The following YTHDF2 variants were observed in gnomAD, a reference collection of about 807,000 sequenced individuals.
YTHDF2 encodes the protein YTH domain-containing family protein 2.
A neutral mutation model predicts 50.4 loss-of-function variants in YTHDF2; 2 were observed. That is an observed-to-expected ratio of 0.04 (90% CI 0.02 to 0.12). YTHDF2 has a LOEUF of 0.12. Ranked by LOEUF, YTHDF2 falls within the 10% of genes least tolerant of loss-of-function variation. The pLI, the probability that YTHDF2 is intolerant of heterozygous loss-of-function variation, is 1.00. For missense variants in YTHDF2, 483 were observed against 722.6 expected, an observed-to-expected ratio of 0.67 and a Z score of 3.80; for synonymous variants, 217 against 255.6, an observed-to-expected ratio of 0.85 and a Z score of 1.44.
intron 4 of YTHDF2, among the ~76,000 whole-genome samples, chr1:28,760,271 TTGTGTGTGTGTGTGTGTGTG>T (rs28969505): frequency 8.4e-4 from 124 of 147,362 alleles, no homozygotes; most frequent in African/African-American, 1.2e-3. Flanking sequence ...ACATAGTAGG[TTGTGTGTGTGTGTGTGTGTG>T]TGTGTGTGTG....
chr1:28,767,855 T>TG (rs113707778), intron 4 of YTHDF2, among the ~76,000 whole-genome samples: 150,246 of 150,262 alleles, frequency 1, 75,115 homozygotes, highest in Middle Eastern at 1. Context: ...TTGGCCAGGA[T>TG]GTCTCACTCT....
chr1:28,740,624 T>C (rs760776192), intron 3 of YTHDF2, among the ~76,000 whole-genome samples: 12 of 152,340 alleles, frequency 7.9e-5, no homozygotes, highest in Middle Eastern at 3.4e-3. Context: ...TCTGCTAAAA[T>C]TTTTAACCTT....
chr1:28,743,053 G>A lies in YTHDF2; in HGVS notation c.783G>A (p.Gly261=), dbSNP rs2087803899. ...PKLKTKNGIA[G]SSLPPPPIKH... ...TGAAGACCAAGAATGGCATTGCAGG[G>A]TCAAGTCTTCCGCCACCCCCGATAA... Residue 261 remains glycine, a synonymous_variant, in exon 4 of 5, where the codon GGG becomes GGA. Transcript: ENST00000373812. The surrounding 1 kb of genome is among the most constrained non-coding windows in gnomAD (Gnocchi z 6.9). 2 of 1,614,054 alleles carry A rather than the reference G, an allele frequency of 1.2e-6. No individual in the cohort carries two copies. The highest frequency in any genetic ancestry group is 2.7e-5 in the African/African-American group (2 of 74,920).
At chr1:28,746,465 G>A (rs1243573771) in intron 4 of YTHDF2, among the ~76,000 whole-genome samples, 1 of 152,016 alleles carries the variant, frequency 6.6e-6, no homozygotes, top group Non-Finnish European at 1.5e-5. Context: ...CAGGCTGGGC[G>A]CAGGTGGCTC....
chr1:28,768,083 C>G (rs1466568409), intron 4 of YTHDF2, among the ~76,000 whole-genome samples: 2 of 151,708 alleles, frequency 1.3e-5, no homozygotes, highest in Non-Finnish European at 2.9e-5. Context: ...CGCCTGTAAT[C>G]CCAGCTACTC....
rs556032938 is a variant in YTHDF2, at chr1:28,737,074, G to T, written c.-47G>T. 3 of 1,572,968 alleles carry T rather than the reference G, an allele frequency of 1.9e-6. No homozygotes were observed. The African/African-American group carries it at 4.1e-5, about 21-fold the overall frequency. On this transcript the variant is annotated 5_prime_UTR_variant, in exon 1 of 5. Transcript: ENST00000373812. ...GGGGCTCATCTGCCGCCGCCGCCGC[G>T]CTGAGGAGAGTTCGCCGCCGTCGCC...
intron 4 of YTHDF2, among the ~76,000 whole-genome samples, chr1:28,745,733 C>A (rs1209103599): frequency 8.3e-6 from 1 of 121,212 alleles, no homozygotes; most frequent in Non-Finnish European, 1.8e-5. Flanking sequence ...CGCCCCCCCC[C>A]CCCAAAAAAA....
chr1:28,755,410 ATATT>A (rs1299339101), intron 4 of YTHDF2, among the ~76,000 whole-genome samples: 2 of 152,232 alleles, frequency 1.3e-5, no homozygotes, highest in African/African-American at 2.4e-5. Context: ...TCTTGAATAT[ATATT>A]TAAATGTATG....
intron 4 of YTHDF2, among the ~76,000 whole-genome samples, chr1:28,755,444 C>T (rs1008792625): frequency 1.3e-5 from 2 of 152,022 alleles, no homozygotes; most frequent in African/African-American, 2.4e-5. Context: ...TTCTTGTATC[C>T]TTGTGAGGTA....
chr1:28,767,928 C>A (rs1291745438), intron 4 of YTHDF2, among the ~76,000 whole-genome samples: 2 of 146,562 alleles, frequency 1.4e-5, no homozygotes, highest in Non-Finnish European at 3.0e-5. Flanking sequence ...TGAGGCCGGG[C>A]GCGGTGGCTC....
upstream of YTHDF2, chr1:28,736,838 G>T: frequency 2.6e-6 from 1 of 384,712 alleles, no homozygotes; most frequent in Admixed American, 4.8e-5. Flanking sequence ...CAGCGCTCGC[G>T]CCGCGCGCGC....
At position 28,742,956 on chromosome 1, in the gene YTHDF2, C is replaced by T; in HGVS notation, c.686C>T (p.Ala229Val). 2 of 1,614,158 alleles carry T rather than the reference C, an allele frequency of 1.2e-6. No homozygotes were observed. The highest frequency in any genetic ancestry group is 1.7e-5 in the Admixed American group (1 of 60,004). Reference sequence around the variant, plus strand: ...GTGGCTTCCAATAGTTTGCCTCCAGCCACCATTGCTCCTCCAAAACCAGCA... The same window carrying T: ...GTGGCTTCCAATAGTTTGCCTCCAGTCACCATTGCTCCTCCAAAACCAGCA... The part of the protein sequence containing the change: ...NIVASNSLPP[A>V]TIAPPKPASW... The change falls in exon 4 of 5, where the codon GCC (alanine) becomes GTC (valine). Residue 229 changes from alanine (A) to valine (V), a missense_variant. By Grantham distance (64) the Ala-to-Val change is moderately conservative (BLOSUM62 0). This residue lies in a region of YTHDF2 where 385 missense variants were observed against 475.8 expected (regional missense o/e 0.81). Transcript: ENST00000373812.
At chr1:28,761,535 C>T (rs1395589151) in intron 4 of YTHDF2, among the ~76,000 whole-genome samples, 3 of 152,048 alleles carry the variant, frequency 2.0e-5, no homozygotes, top group Non-Finnish European at 2.9e-5. Context: ...GTTGGGAGTT[C>T]GAGACCATCC....
At chr1:28,753,912 G>A (rs1290080282) in intron 4 of YTHDF2, among the ~76,000 whole-genome samples, 1 of 151,942 alleles carries the variant, frequency 6.6e-6, no homozygotes, top group African/African-American at 2.4e-5. Context: ...TCATCATGTT[G>A]GCTAGGCTGG....
At chr1:28,760,182 C>T (rs1557549434) in intron 4 of YTHDF2, among the ~76,000 whole-genome samples, 1 of 151,986 alleles carries the variant, frequency 6.6e-6, no homozygotes, top group Non-Finnish European at 1.5e-5. Context: ...GGCAGTTTTA[C>T]AATTAGCCTT....
chr1:28,757,488 T>A (rs1048299939), intron 4 of YTHDF2, among the ~76,000 whole-genome samples: 6 of 152,206 alleles, frequency 3.9e-5, no homozygotes, highest in African/African-American at 1.4e-4. Flanking sequence ...TCAAGAGATG[T>A]TCAGTGTGCC....
At position 28,737,368 on chromosome 1, in the gene YTHDF2, G is replaced by C. The variant is rs559545163; in HGVS notation, c.27+221G>C. Reference sequence around the variant, plus strand: ...GAGCCCACGGGCCGGGCCGCGCCGCGTTCCCTTCTCTCGGCGGGCCTCGTT... The same window carrying C: ...GAGCCCACGGGCCGGGCCGCGCCGCCTTCCCTTCTCTCGGCGGGCCTCGTT... On this transcript the variant is annotated intron_variant, in intron 1 of 4. Transcript: ENST00000373812. 11 of 641,394 alleles carry C rather than the reference G, an allele frequency of 1.7e-5. No individual in the cohort carries two copies. The Admixed American group carries it at 2.2e-4, about 13-fold the overall frequency. The allele number at this position is 641,394 out of a possible 1,614,324, so 39.7% of individuals were successfully genotyped here. A position where few individuals can be genotyped will look rare whatever the true frequency, so the allele number is the denominator to read the frequency against.
At chr1:28,758,642 C>G (rs1055752279) in intron 4 of YTHDF2, among the ~76,000 whole-genome samples, 10 of 152,190 alleles carry the variant, frequency 6.6e-5, no homozygotes, top group African/African-American at 2.4e-4. Context: ...TAATGCACAG[C>G]GACAGGTTAT....
intron 4 of YTHDF2, among the ~76,000 whole-genome samples, chr1:28,748,817 G>A (rs546640561): frequency 7.9e-5 from 12 of 152,010 alleles, no homozygotes; most frequent in Non-Finnish European, 1.3e-4. Flanking sequence ...CATCACTTTT[G>A]TTGGCTTCAT....
Sources: allele counts gnomAD v4.1 joint callset (sites outside exome capture counted in the v4.1 genomes callset), GRCh38; gene constraint gnomAD v4.1.1; regional missense constraint gnomAD v4.1.1; non-coding constraint Gnocchi (gnomAD v3.1); transcripts MANE v1.5; gene names NCBI Gene and HGNC (gene_info 2026-07-23, HGNC 2026-07-21).